SYCE1: variants seen among roughly 807,000 people sequenced by gnomAD.
The protein encoded by SYCE1 is cancer/testis antigen 76.
SYCE1 carries 37 observed loss-of-function variants against 55.1 expected under a neutral mutation model. That is an observed-to-expected ratio of 0.67 (90% CI 0.52 to 0.88). SYCE1 has a LOEUF of 0.88. Among genes scored for constraint, SYCE1 ranks in the 40% least tolerant of loss-of-function variants. The probability of loss-of-function intolerance (pLI) is 0.00; values close to 1 mark genes in which losing one functional copy is unlikely to be tolerated. For missense variants in SYCE1, 399 were observed against 416.4 expected (o/e 0.96, Z 0.36); for synonymous variants, 163 against 159.4 (o/e 1.02, Z -0.17).
At chr10:133,560,762 C>A (rs1025231604) in intron 1 of SYCE1, 34 of 152,158 alleles carry the variant, frequency 2.2e-4, no homozygotes, top group African/African-American at 6.0e-4. Flanking sequence ...GAAAATAAAT[C>A]TTTTTATAAA....
chr10:133,555,834 G>A lies in SYCE1; in HGVS notation c.665C>T (p.Pro222Leu). 6.2e-7 allele frequency: 1 copy of A among 1,613,918 alleles called. No individual in the cohort carries two copies. Among genetic ancestry groups the A allele is most frequent in the Non-Finnish European group, 8.5e-7 (1 of 1,180,024 alleles). Residue 222 changes from proline to leucine, a missense_variant, in exon 10 of 13, where the codon CCC (proline) becomes CTC (leucine). By Grantham distance (98) the Pro-to-Leu change is moderately conservative. Coordinates refer to ENST00000343131, the MANE Select transcript of SYCE1 (RefSeq NM_001143764.3). ...AAAGAGTCCCTCATCAAGGGTGGAGGGGCCCTCAGCCCCACACAGGGAGCA... is the reference window on the plus strand; with the variant it reads ...AAAGAGTCCCTCATCAAGGGTGGAGAGGCCCTCAGCCCCACACAGGGAGCA... ...QLCSLCGAEG[P>L]STLDEGLFLR...
Position 133,559,371 on chromosome 10 carries a change from G to A in SYCE1, c.137-11C>T. On this transcript the variant is annotated splice_polypyrimidine_tract_variant and intron_variant, in intron 2 of 12. Transcript: ENST00000343131. ...GCTCTAGGCTTCCCACTGCACGGAG[G>A]AAAGGAGGTTGAGTTGACAGGGCAG... is the stretch of plus-strand genomic sequence containing the variant. The A allele has an allele frequency of 6.2e-7, 1 of 1,613,990 alleles. No individual in the cohort carries two copies. The highest frequency in any genetic ancestry group is 8.5e-7 in the Non-Finnish European group (1 of 1,179,924).
intron 8 of SYCE1, 116 bp from the exon 9 acceptor site, chr10:133,556,163 C>T: frequency 8.4e-7 from 1 of 1,189,874 alleles, no homozygotes; most frequent in Non-Finnish European, 1.2e-6. Flanking sequence ...AACAACTCTG[C>T]CCCTCTGTGC....
At chr10:133,568,185 T>A, upstream of SYCE1, 1 of 1,044,474 alleles carries the variant, frequency 9.6e-7, no homozygotes, top group South Asian at 1.3e-5. Flanking sequence ...GAAGTCCACG[T>A]ACAGTAGCTG....
At chr10:133,555,564 T>C in intron 11 of SYCE1, 33 bp downstream of exon 11, 1 of 1,602,080 alleles carries the variant, frequency 6.2e-7, no homozygotes, top group African/African-American at 1.3e-5. Context: ...ATCTTCCTGG[T>C]GGGGGTTGCG....
At position 133,560,088 on chromosome 10, in the gene SYCE1, G is replaced by A. The variant is rs535544983; in HGVS notation, c.136+3C>T. 14 of 1,613,842 alleles carry A rather than the reference G, an allele frequency of 8.7e-6. No individual in the cohort carries two copies. The Admixed American group carries it at 1.2e-4, about 13-fold the overall frequency. ...TGTGCCTCACACAAAGGAGACACAC[G>A]ACCTTTCTGCAGCTTTTGCACCATT... is the stretch of plus-strand genomic sequence containing the variant. On this transcript the variant is annotated splice_donor_region_variant and intron_variant, in intron 2 of 12. Coordinates refer to ENST00000343131, the MANE Select transcript of SYCE1 (RefSeq NM_001143764.3).
chr10:133,558,734 GGA>G (rs1186628563), intron 4 of SYCE1, 141 bp downstream of exon 4: 9 of 781,708 alleles, frequency 1.2e-5, no homozygotes, highest in Non-Finnish European at 1.9e-5. Context: ...CAAGCAGAGA[GGA>G]GAGGGGGAGA....
At chr10:133,555,204 C>A in intron 12 of SYCE1, 75 bp from the exon 13 acceptor site, 1 of 1,535,320 alleles carries the variant, frequency 6.5e-7, no homozygotes, top group Non-Finnish European at 8.8e-7. Flanking sequence ...TGCCCCATCA[C>A]CACCTTGGGT....
At chr10:133,553,951 A>T (rs1023672425), downstream of SYCE1, 3 of 203,362 alleles carry the variant, frequency 1.5e-5, no homozygotes, top group African/African-American at 6.9e-5. Context: ...GAATAGGTGA[A>T]CTGTGTCAAA....
intron 3 of SYCE1, 145 bp from the exon 4 acceptor site, chr10:133,559,096 G>A: frequency 1.0e-6 from 1 of 986,590 alleles, no homozygotes; most frequent in Non-Finnish European, 1.5e-6. Flanking sequence ...TCCTTGCCAG[G>A]CTCTGCTGAT....
chr10:133,562,787 C>G (rs11101833), intron 1 of SYCE1, among the ~76,000 whole-genome samples: 14,903 of 152,026 alleles, frequency 0.098, 899 homozygotes, highest in East Asian at 0.25. Context: ...TCCCTTTTTG[C>G]AGACCCAGGA....
intron 12 of SYCE1, 50 bp from the exon 13 acceptor site, chr10:133,555,179 C>A: frequency 6.5e-7 from 1 of 1,530,092 alleles, no homozygotes; most frequent in East Asian, 2.4e-5. Context: ...TCCCCATGGC[C>A]ACATGGTCCC....
chr10:133,557,604 C>T (rs1321112743), intron 6 of SYCE1: 2 of 564,636 alleles, frequency 3.5e-6, no homozygotes, highest in African/African-American at 1.9e-5. Context: ...AGGAGTATGA[C>T]AAAGAGTAAA....
chr10:133,565,549 G>A lies in SYCE1; in HGVS notation c.-20C>T, dbSNP rs1489275610. 43 of 1,548,380 alleles carry A rather than the reference G, an allele frequency of 2.8e-5. No individual in the cohort carries two copies. The highest frequency in any genetic ancestry group is 3.9e-5 in the Admixed American group (2 of 50,892). ...CGCCATTTCCTCTCAGCTCGCCAGC[G>A]AGGGTGCCTCGGGAGGGAGCCTCCA... On this transcript the variant is annotated 5_prime_UTR_variant, in exon 1 of 13. Transcript: ENST00000343131.
At chr10:133,559,117 G>A (rs1275127809) in intron 3 of SYCE1, 166 bp from the exon 4 acceptor site, 1 of 919,200 alleles carries the variant, frequency 1.1e-6, no homozygotes, top group Non-Finnish European at 1.7e-6. Flanking sequence ...AGCAGGGCCA[G>A]GATCATGGGC....
At chr10:133,554,386 C>A, downstream of SYCE1, 1 of 1,491,132 alleles carries the variant, frequency 6.7e-7, no homozygotes, top group South Asian at 1.1e-5. Flanking sequence ...TCAGGAGATG[C>A]AGACTTTGAC....
intron 5 of SYCE1, 94 bp downstream of exon 5, chr10:133,558,073 G>C (rs56365383): frequency 1.1e-5 from 17 of 1,563,278 alleles, no homozygotes; most frequent in Non-Finnish European, 7.9e-6. Context: ...AGGCAAGCTG[G>C]GACAGGTTTC....
chr10:133,568,245 C>T, upstream of SYCE1: 3 of 1,411,772 alleles, frequency 2.1e-6, no homozygotes, highest in Non-Finnish European at 2.9e-6. Context: ...CCTCCTCGTC[C>T]TCCAGGCCGC....
Position 133,555,913 on chromosome 10 carries a change from A to C in SYCE1, c.596-10T>G. On this transcript the variant is annotated splice_polypyrimidine_tract_variant and intron_variant, in intron 9 of 12. Transcript: ENST00000343131. ...GCCTTGACCAGCTTCTCTGCAGCAC[A>C]AAGGGGCAGGTGAGCACATGAAGGC... 1.9e-6 allele frequency: 3 copies of C among 1,613,822 alleles called. No homozygotes were observed. The highest frequency in any genetic ancestry group is 2.5e-6 in the Non-Finnish European group (3 of 1,179,802).
Sources: allele counts gnomAD v4.1 joint callset (sites outside exome capture counted in the v4.1 genomes callset), GRCh38; gene constraint gnomAD v4.1.1; transcripts MANE v1.5; gene names NCBI Gene and HGNC (gene_info 2026-07-23, HGNC 2026-07-21).